PCDHA1: variants seen among roughly 807,000 people sequenced by gnomAD.
PCDHA1 encodes protocadherin alpha-1.
Under a neutral mutation model 61.3 loss-of-function variants are expected in PCDHA1, and 42 were observed. That is an observed-to-expected ratio of 0.69 (90% CI 0.54 to 0.89). The LOEUF is 0.89. Ranked by LOEUF, PCDHA1 falls within the 40% of genes least tolerant of loss-of-function variation. The probability of loss-of-function intolerance (pLI) is 0.00; values close to 1 mark genes in which losing one functional copy is unlikely to be tolerated. For synonymous variants in PCDHA1, 610 were observed against 553.8 expected, an observed-to-expected ratio of 1.10 and a Z score of -1.43; for missense variants, 1,256 against 1,235.3, an observed-to-expected ratio of 1.02 and a Z score of -0.25.
In PCDHA1 at chr5:140,796,761, T is replaced by C. The variant is rs151307182; in HGVS notation, c.2394+8077T>C. 8.1e-6 allele frequency: 13 copies of C among 1,614,148 alleles called. No individual in the cohort carries two copies. In the African/African-American group the frequency reaches 9.3e-5, roughly 12 times the overall value. The stretch of plus-strand genomic sequence containing the variant: ...TGGCGAAGGTGCGCGCAGTGGACGC[T>C]GACTCAGGCTACAACGCGTGGCTTT... On this transcript the variant is annotated intron_variant, in intron 1 of 3. Coordinates refer to ENST00000504120, the MANE Select transcript of PCDHA1 (RefSeq NM_018900.4).
chr5:140,920,996 CAG>C (rs1554200030), intron 1 of PCDHA1, among the ~76,000 whole-genome samples: 3 of 151,876 alleles, frequency 2.0e-5, no homozygotes, highest in African/African-American at 7.3e-5. Context: ...CTTATTTTTT[CAG>C]AGTCAGGGTC....
At chr5:140,964,866 C>A (rs2095858965) in intron 1 of PCDHA1, among the ~76,000 whole-genome samples, 1 of 152,132 alleles carries the variant, frequency 6.6e-6, no homozygotes, top group Non-Finnish European at 1.5e-5. Flanking sequence ...ACAAAGAGGA[C>A]AAATAAGAAG....
At position 140,841,739 on chromosome 5, in the gene PCDHA1, C is replaced by A. The variant is rs2150321877; in HGVS notation, c.2394+53055C>A. The A allele has an allele frequency of 3.7e-6, 6 of 1,613,880 alleles. No homozygotes were observed. In the South Asian group the frequency reaches 6.6e-5, roughly 18 times the overall value. On this transcript the variant is annotated intron_variant, in intron 1 of 3. Coordinates refer to ENST00000504120, the MANE Select transcript of PCDHA1 (RefSeq NM_018900.4). ...AGTGTTCCGGGTAAAAGACCAAAAG[C>A]TGTTTGTTTCAGAATCCAGAATGCC...
At chr5:140,820,946 A>G (rs1766863705) in intron 1 of PCDHA1, among the ~76,000 whole-genome samples, 1 of 152,114 alleles carries the variant, frequency 6.6e-6, no homozygotes, top group Admixed American at 6.5e-5. Context: ...AAATATCCCC[A>G]TTACAGTTTT....
intron 1 of PCDHA1, among the ~76,000 whole-genome samples, chr5:140,945,912 A>G (rs1351762760): frequency 2.0e-5 from 3 of 152,132 alleles, no homozygotes; most frequent in African/African-American, 7.2e-5. Flanking sequence ...TGAAAGATCA[A>G]TAACACTGAT....
chr5:140,818,335 A>T (rs2150050058), intron 1 of PCDHA1, among the ~76,000 whole-genome samples: 1 of 152,330 alleles, frequency 6.6e-6, no homozygotes, highest in South Asian at 2.1e-4. Flanking sequence ...TTGTTATTCT[A>T]GGCCACTGTC....
At chr5:140,962,546 G>A (rs2095690873) in intron 1 of PCDHA1, among the ~76,000 whole-genome samples, 7 of 152,094 alleles carry the variant, frequency 4.6e-5, no homozygotes, top group Admixed American at 4.6e-4. Flanking sequence ...TAAAAATGTA[G>A]AGGATCTCCC....
In PCDHA1 at chr5:140,788,674, T is replaced by G; in HGVS notation, c.2384T>G (p.Leu795Arg). 1 of 1,561,848 alleles carries G rather than the reference T, an allele frequency of 6.4e-7. No homozygotes were observed. The highest frequency in any genetic ancestry group is 8.7e-7 in the Non-Finnish European group (1 of 1,152,468). Residue 795 changes from leucine (L) to arginine (R), a missense_variant, in exon 1 of 4, where the codon CTT (leucine) becomes CGT (arginine). Physicochemically the swap from Leu to Arg is moderately radical, Grantham distance 102. Transcript: ENST00000504120. ...RNEQPEANLD[L>R]SGNPRQPNPD... ...GAACAACCAGAAGCAAATTTGGATC[T>G]TTCTGGTAATGTAAGTCCAACTTTC...
intron 1 of PCDHA1, chr5:140,843,236 G>A (rs1778700503): frequency 6.3e-7 from 1 of 1,595,846 alleles, no homozygotes; most frequent in Non-Finnish European, 8.6e-7. Flanking sequence ...TGTCCTGGAC[G>A]AAGCGGACTC....
intron 1 of PCDHA1, chr5:140,876,963 G>A: frequency 6.2e-7 from 1 of 1,613,068 alleles, no homozygotes; most frequent in Middle Eastern, 1.8e-4. Flanking sequence ...TGGTGGAGCG[G>A]CGGGTGGGCG....
chr5:140,897,671 C>T (rs1329195952), intron 1 of PCDHA1, among the ~76,000 whole-genome samples: 1 of 152,066 alleles, frequency 6.6e-6, no homozygotes, highest in Non-Finnish European at 1.5e-5. Flanking sequence ...GTCTTTATAG[C>T]AGCATGATTT....
intron 1 of PCDHA1, chr5:140,883,933 G>C: frequency 6.2e-7 from 1 of 1,613,398 alleles, no homozygotes; most frequent in Non-Finnish European, 8.5e-7. Flanking sequence ...AGGTGTTCGT[G>C]CTGGACGAGA....
At chr5:140,844,736 G>C (rs1001272539) in intron 1 of PCDHA1, among the ~76,000 whole-genome samples, 3 of 149,298 alleles carry the variant, frequency 2.0e-5, no homozygotes, top group Non-Finnish European at 4.5e-5. Context: ...AAAATATTTA[G>C]TATTATGGGA....
intron 1 of PCDHA1, among the ~76,000 whole-genome samples, chr5:140,905,788 G>T (rs1217429620): frequency 2.6e-5 from 4 of 152,046 alleles, no homozygotes; most frequent in Non-Finnish European, 4.4e-5. Flanking sequence ...ATTAGTCAGG[G>T]TTCTCTAGAG....
chr5:141,009,132 G>GA (rs1172401436), intron 3 of PCDHA1, among the ~76,000 whole-genome samples: 11 of 152,202 alleles, frequency 7.2e-5, no homozygotes, highest in African/African-American at 2.4e-4. Flanking sequence ...GTATCCTGGT[G>GA]AAAAAACCTG....
At chr5:140,871,840 C>G (rs1214510248) in intron 1 of PCDHA1, among the ~76,000 whole-genome samples, 1 of 152,256 alleles carries the variant, frequency 6.6e-6, no homozygotes, top group Admixed American at 6.5e-5. Context: ...CTCTAAACTT[C>G]AATTATGACC....
chr5:140,881,538 C>A (rs879991805), intron 1 of PCDHA1, among the ~76,000 whole-genome samples: 1 of 152,196 alleles, frequency 6.6e-6, no homozygotes, highest in Middle Eastern at 3.2e-3. Flanking sequence ...TGACTGAACA[C>A]TTTCTTTTGA....
At chr5:140,928,282 C>G in intron 1 of PCDHA1, 1 of 1,614,166 alleles carries the variant, frequency 6.2e-7, no homozygotes, top group Non-Finnish European at 8.5e-7. Flanking sequence ...TGGGGCCTCT[C>G]TAGGCCGAGT....
At chr5:140,808,268 G>C in intron 1 of PCDHA1, 1 of 1,614,250 alleles carries the variant, frequency 6.2e-7, no homozygotes, top group Non-Finnish European at 8.5e-7. Flanking sequence ...TCCAATTAGA[G>C]AGGACGCTCC....
Sources: gnomAD v4.1 joint callset for allele counts (sites outside exome capture counted in the v4.1 genomes callset) on GRCh38, gnomAD v4.1.1 for gene constraint, MANE v1.5 for transcripts, NCBI Gene and HGNC (gene_info 2026-07-23, HGNC 2026-07-21) for gene names.